Variants in STK32A observed in about 807,000 individuals in gnomAD.
STK32A encodes the protein serine/threonine kinase 32A.
In STK32A, 41 loss-of-function variants were observed where a neutral mutation model predicts 53.2. The ratio of observed to expected loss-of-function variants is 0.77; its 90% CI spans 0.60 to 1.00. The LOEUF is 1.00. Ranked by LOEUF, STK32A falls within the 50% of genes least tolerant of loss-of-function variation. The pLI is 0.00. For synonymous variants in STK32A, 166 were observed against 162.8 expected (o/e 1.02, Z -0.15); for missense variants, 458 against 485.8 (o/e 0.94, Z 0.54).
intron 2 of STK32A, among the ~76,000 whole-genome samples, chr5:147,241,783 G>A (rs1753593846): frequency 6.6e-6 from 1 of 152,078 alleles, no homozygotes; most frequent in Admixed American, 6.5e-5. Flanking sequence ...TCATTTAGTT[G>A]GTTTCCTCTG....
At chr5:147,276,501 A>G (rs774158077) in intron 2 of STK32A, among the ~76,000 whole-genome samples, 3 of 152,170 alleles carry the variant, frequency 2.0e-5, no homozygotes, top group African/African-American at 7.2e-5. Flanking sequence ...TGTTCACACT[A>G]TCCATATTTA....
intron 4 of STK32A, among the ~76,000 whole-genome samples, chr5:147,280,813 C>T (rs1310153825): frequency 6.6e-6 from 1 of 152,184 alleles, no homozygotes; most frequent in African/African-American, 2.4e-5. Flanking sequence ...AAAAGCACCA[C>T]CTCCTGGCAG....
At chr5:147,265,741 C>T (rs930120490) in intron 2 of STK32A, among the ~76,000 whole-genome samples, 68 of 152,084 alleles carry the variant, frequency 4.5e-4, no homozygotes, top group African/African-American at 1.6e-3. Flanking sequence ...CCAGCAAAGC[C>T]GTGGCTCCTA....
chr5:147,374,251 C>A (rs991828300), intron 10 of STK32A, among the ~76,000 whole-genome samples: 2 of 150,428 alleles, frequency 1.3e-5, no homozygotes, highest in Non-Finnish European at 2.9e-5. Context: ...TGTGCCACTG[C>A]ACTCTAGCCT....
the STK32A span, among the ~76,000 whole-genome samples, chr5:147,394,664 G>C: frequency 6.7e-6 from 1 of 150,006 alleles, no homozygotes; most frequent in Non-Finnish European, 1.5e-5. Flanking sequence ...AATTAAGGTA[G>C]CCAGAGAACA....
In STK32A at chr5:147,384,255, C is replaced by A; in HGVS notation, c.*272C>A. 7.5e-7 allele frequency: 1 copy of A among 1,335,308 alleles called. No individual in the cohort carries two copies. Among genetic ancestry groups the A allele is most frequent in the Non-Finnish European group, 9.8e-7 (1 of 1,018,546 alleles). 82.7% of individuals were successfully genotyped at this position (1,335,308 alleles called of 1,614,324 possible). ...ATTTATCTAAAATGAGAGGGTTATA[C>A]TAGACGAGCCATACCCTGCCTTTTT... On this transcript the variant is annotated 3_prime_UTR_variant, in exon 13 of 13. Transcript: ENST00000397936.
intron 11 of STK32A, among the ~76,000 whole-genome samples, chr5:147,378,166 G>T (rs911686494): frequency 6.6e-6 from 1 of 152,132 alleles, no homozygotes; most frequent in Admixed American, 6.6e-5. Context: ...TTCTGACTAG[G>T]TGGTTAATGC....
intron 1 of STK32A, among the ~76,000 whole-genome samples, chr5:147,237,982 A>G (rs191812712): frequency 6.6e-6 from 1 of 152,328 alleles, no homozygotes; most frequent in African/African-American, 2.4e-5. Context: ...CGCAATAAGG[A>G]AATTCTGCTA....
intron 2 of STK32A, among the ~76,000 whole-genome samples, chr5:147,277,544 T>C (rs1226807970): frequency 6.6e-6 from 1 of 152,176 alleles, no homozygotes; most frequent in Non-Finnish European, 1.5e-5. Context: ...TGCTACACAC[T>C]TAGAGGTGTA....
At chr5:147,394,094 C>G in the STK32A span, 6 of 1,614,138 alleles carry the variant, frequency 3.7e-6, no homozygotes, top group Non-Finnish European at 5.1e-6. Flanking sequence ...CGCTTGCTGG[C>G]TGAGCGAACC....
At chr5:147,260,593 C>T (rs1431859848) in intron 2 of STK32A, among the ~76,000 whole-genome samples, 1 of 152,020 alleles carries the variant, frequency 6.6e-6, no homozygotes, top group African/African-American at 2.4e-5. Flanking sequence ...TCTTCCCTGT[C>T]CTGGAAGGCT....
chr5:147,298,398 T>A (rs952683121), intron 4 of STK32A, among the ~76,000 whole-genome samples: 3 of 152,256 alleles, frequency 2.0e-5, no homozygotes, highest in African/African-American at 7.2e-5. Context: ...ACTAGCTTTT[T>A]CTAATTGTGT....
chr5:147,260,049 CCTCT>C (rs796804723), intron 2 of STK32A, among the ~76,000 whole-genome samples: 42 of 142,070 alleles, frequency 3.0e-4, no homozygotes, highest in African/African-American at 1.0e-3. Flanking sequence ...TCCTGTCTCT[CCTCT>C]CTCTCTCTCC....
chr5:147,308,642 A>G (rs1262185999), intron 4 of STK32A, among the ~76,000 whole-genome samples: 1 of 151,868 alleles, frequency 6.6e-6, no homozygotes, highest in Non-Finnish European at 1.5e-5. Flanking sequence ...ATATATCAAG[A>G]GTTTATAAAA....
chr5:147,370,633 T>C (rs778163507), intron 8 of STK32A, 21 bp from the exon 9 acceptor site: 3 of 1,534,216 alleles, frequency 2.0e-6, no homozygotes, highest in Non-Finnish European at 2.7e-6. Context: ...ATGAAGACTT[T>C]TACTTCTTTT....
chr5:147,308,936 A>G (rs1753556461), intron 4 of STK32A, among the ~76,000 whole-genome samples: 2 of 150,288 alleles, frequency 1.3e-5, no homozygotes, highest in Non-Finnish European at 3.0e-5. Flanking sequence ...TATTTTTTAT[A>G]TTATTATTCA....
chr5:147,352,700 A>T (rs568104270), intron 7 of STK32A, among the ~76,000 whole-genome samples: 1 of 152,228 alleles, frequency 6.6e-6, no homozygotes, highest in Non-Finnish European at 1.5e-5. Flanking sequence ...TTGATTAGAT[A>T]TCTGTGTAGT....
intron 6 of STK32A, chr5:147,348,961 G>C: frequency 2.1e-6 from 1 of 468,170 alleles, no homozygotes; most frequent in East Asian, 4.0e-5. Context: ...GCTAGTTAGT[G>C]GTAGAACCTA....
chr5:147,341,643 G>A (rs1472611314), intron 5 of STK32A, among the ~76,000 whole-genome samples: 1 of 151,956 alleles, frequency 6.6e-6, no homozygotes, highest in Admixed American at 6.6e-5. Flanking sequence ...CACTGTGCCT[G>A]GCAAGAATTT....
Sources: gnomAD v4.1 joint callset for allele counts (sites outside exome capture counted in the v4.1 genomes callset) on GRCh38, gnomAD v4.1.1 for gene constraint, MANE v1.5 for transcripts, NCBI Gene and HGNC (gene_info 2026-07-23, HGNC 2026-07-21) for gene names.